CUL3: variants seen among roughly 807,000 people sequenced by gnomAD.
CUL3 encodes the protein cullin 3.
Under a neutral mutation model 89.1 loss-of-function variants are expected in CUL3, and 19 were observed. That is an observed-to-expected ratio of 0.21 (90% CI 0.15 to 0.31). CUL3 has a LOEUF of 0.31. Among genes scored for constraint, CUL3 ranks in the 10% least tolerant of loss-of-function variants. CUL3 has a pLI of 1.00. For missense variants in CUL3, 469 were observed against 942.3 expected (o/e 0.50, Z 6.58); for synonymous variants, 351 against 308.4 (o/e 1.14, Z -1.45).
intron 2 of CUL3, among the ~76,000 whole-genome samples, chr2:224,553,755 CAGGA>C (rs1490643817): frequency 6.6e-6 from 1 of 152,098 alleles, no homozygotes; most frequent in African/African-American, 2.4e-5. Flanking sequence ...GTCTATAGAC[CAGGA>C]AGGGGACTCT....
At chr2:224,553,388 C>T (rs189417444) in intron 2 of CUL3, among the ~76,000 whole-genome samples, 3 of 152,050 alleles carry the variant, frequency 2.0e-5, no homozygotes, top group Admixed American at 6.5e-5. Flanking sequence ...TTTCAGATGC[C>T]GGCAATGATC....
chr2:224,568,335 C>T (rs1695096739), intron 1 of CUL3, among the ~76,000 whole-genome samples: 2 of 152,192 alleles, frequency 1.3e-5, no homozygotes, highest in African/African-American at 4.8e-5. Flanking sequence ...ACTACACTCC[C>T]ATGTAGCTGA....
intron 2 of CUL3, among the ~76,000 whole-genome samples, chr2:224,540,306 C>T (rs1162788372): frequency 1.3e-5 from 2 of 151,984 alleles, no homozygotes; most frequent in African/African-American, 4.8e-5. Context: ...GATCCACTCG[C>T]CTCGGCCTCC....
At chr2:224,514,338 C>T (rs1413567279) in intron 4 of CUL3, among the ~76,000 whole-genome samples, 2 of 151,960 alleles carry the variant, frequency 1.3e-5, no homozygotes, top group African/African-American at 4.8e-5. Flanking sequence ...GAAAAAAATG[C>T]TGGCATGAAA....
Position 224,472,733 on chromosome 2 carries a change from C to A in CUL3, c.*1512G>T, listed in dbSNP as rs953544115. On this transcript the variant is annotated 3_prime_UTR_variant, in exon 16 of 16. Transcript: ENST00000264414. ...GCAAGTCTAAAAGGAAAATTATAAC[C>A]CAAGACGCATGGGGAAAAATATTTA... is the stretch of plus-strand genomic sequence containing the variant. 5 of 195,616 alleles carry A rather than the reference C, an allele frequency of 2.6e-5. No homozygotes were observed. The highest frequency in any genetic ancestry group is 4.3e-5 in the Non-Finnish European group (4 of 93,890). The allele number at this position is 195,616 out of a possible 1,614,324, so 12.1% of individuals were successfully genotyped here.
At position 224,485,112 on chromosome 2, in the gene CUL3, T is replaced by C. The variant is rs1296341918; in HGVS notation, c.1843-3034A>G. 1 of 152,222 alleles carries C rather than the reference T, an allele frequency of 6.6e-6. No homozygotes were observed. Among genetic ancestry groups the C allele is most frequent in the Non-Finnish European group, 1.5e-5 (1 of 68,112 alleles). The allele number at this position is 152,222 out of a possible 1,614,324, so 9.4% of individuals were successfully genotyped here. On this transcript the variant is annotated intron_variant, in intron 13 of 15. Transcript: ENST00000264414. This position sits in a 1 kb window ranked among gnomAD's most constrained non-coding sequence, Gnocchi z 4.1. ...CAAATACTACGCTTTGCCCACAGTT[T>C]TTGCAACCCGCAGACCAGGAGATTC... is the stretch of plus-strand genomic sequence containing the variant.
intron 11 of CUL3, chr2:224,499,974 T>G (rs1209088081): frequency 1.3e-5 from 2 of 154,890 alleles, no homozygotes; most frequent in African/African-American, 4.8e-5. Flanking sequence ...TCTCAGAGAC[T>G]CTGAGTACTA....
intron 8 of CUL3, among the ~76,000 whole-genome samples, chr2:224,505,335 C>G (rs973990654): frequency 1.3e-5 from 2 of 152,086 alleles, no homozygotes; most frequent in African/African-American, 4.8e-5. Flanking sequence ...TGGGGTTTCA[C>G]CAAGTTGGTC....
In CUL3 at chr2:224,478,370, T is replaced by A. The variant is rs559195499; in HGVS notation, c.2030-25A>T. On this transcript the variant is annotated intron_variant, in intron 14 of 15. Transcript: ENST00000264414. ...ACTAAAATAGAAATAAAGACATTTA[T>A]CATAAATCTAATTTTAAAATTTGGT... is the stretch of plus-strand genomic sequence containing the variant. 6.9e-6 allele frequency: 11 copies of A among 1,587,934 alleles called. No homozygotes were observed. In the South Asian group the frequency reaches 9.3e-5, roughly 13 times the overall value.
At chr2:224,545,626 T>C (rs1481573528) in intron 2 of CUL3, among the ~76,000 whole-genome samples, 2 of 152,196 alleles carry the variant, frequency 1.3e-5, no homozygotes, top group African/African-American at 2.4e-5. Context: ...TGACAATTCA[T>C]GTATTTATGT....
intron 2 of CUL3, among the ~76,000 whole-genome samples, chr2:224,540,285 T>C (rs1382797390): frequency 2.0e-5 from 3 of 152,024 alleles, no homozygotes; most frequent in African/African-American, 7.2e-5. Flanking sequence ...CCTGAACTCC[T>C]GACCTCAAGT....
At chr2:224,515,487 T>A (rs1693005326) in intron 3 of CUL3, among the ~76,000 whole-genome samples, 1 of 152,168 alleles carries the variant, frequency 6.6e-6, no homozygotes, top group African/African-American at 2.4e-5. Flanking sequence ...TCAGCAAGGA[T>A]CTCTCTGGGC....
chr2:224,542,499 G>GTGTGTGTGTGTGTGTA (rs1028636111), intron 2 of CUL3, among the ~76,000 whole-genome samples: 1 of 150,232 alleles, frequency 6.7e-6, no homozygotes. Context: ...GGCTTTTTGT[G>GTGTGTGTGTGTGTGTA]TGTGTGTGTG....
At chr2:224,478,476 T>G (rs1691406676) in intron 14 of CUL3, 131 bp from the exon 15 acceptor site, 1 of 689,898 alleles carries the variant, frequency 1.4e-6, no homozygotes, top group South Asian at 2.6e-5. Context: ...ACTTATTAAT[T>G]CAAGTACGCA....
chr2:224,553,985 A>G (rs142202201), intron 2 of CUL3, among the ~76,000 whole-genome samples: 25 of 152,300 alleles, frequency 1.6e-4, no homozygotes, highest in African/African-American at 4.6e-4. Flanking sequence ...CGTAACTTCA[A>G]TATCTACTGG....
intron 3 of CUL3, among the ~76,000 whole-genome samples, chr2:224,523,983 ATGG>A (rs1378888457): frequency 6.6e-6 from 1 of 152,148 alleles, no homozygotes; most frequent in Non-Finnish European, 1.5e-5. Context: ...TCTGGAGAGG[ATGG>A]TGGTGACAGC....
intron 6 of CUL3, among the ~76,000 whole-genome samples, chr2:224,510,424 C>T (rs575568952): frequency 6.6e-6 from 1 of 151,996 alleles, no homozygotes; most frequent in Non-Finnish European, 1.5e-5. Context: ...AACTTCCCAC[C>T]AGCTTTCGTT....
intron 2 of CUL3, among the ~76,000 whole-genome samples, chr2:224,546,929 T>C (rs1694325691): frequency 6.6e-6 from 1 of 152,168 alleles, no homozygotes; most frequent in African/African-American, 2.4e-5. Context: ...GGGATTATGC[T>C]ATTTATATTT....
chr2:224,573,027 A>G (rs1398668260), intron 1 of CUL3, among the ~76,000 whole-genome samples: 1 of 152,248 alleles, frequency 6.6e-6, no homozygotes, highest in Non-Finnish European at 1.5e-5. Context: ...TACTAACACA[A>G]GAGCACACAA....
Sources: gnomAD v4.1 joint callset for allele counts (sites outside exome capture counted in the v4.1 genomes callset) on GRCh38, gnomAD v4.1.1 for gene constraint, Gnocchi (gnomAD v3.1) non-coding constraint, MANE v1.5 for transcripts, NCBI Gene and HGNC (gene_info 2026-07-23, HGNC 2026-07-21) for gene names.